LIMCH1: variants seen among roughly 807,000 people sequenced by gnomAD.
LIMCH1 encodes the protein LIM and calponin homology domains 1.
In LIMCH1, 113 loss-of-function variants were observed where a neutral mutation model predicts 176.5. That is an observed-to-expected ratio of 0.64 (90% CI 0.55 to 0.75). LIMCH1 has a LOEUF of 0.75. Among genes scored for constraint, LIMCH1 ranks in the 30% least tolerant of loss-of-function variants. The pLI is 0.00. For synonymous variants in LIMCH1, 619 were observed against 645.9 expected, an observed-to-expected ratio of 0.96 and a Z score of 0.63; for missense variants, 1,674 against 1,814.9, an observed-to-expected ratio of 0.92 and a Z score of 1.41.
At chr4:41,482,688 G>A (rs2068849178) in intron 1 of LIMCH1, among the ~76,000 whole-genome samples, 2 of 152,178 alleles carry the variant, frequency 1.3e-5, no homozygotes, top group South Asian at 4.1e-4. Flanking sequence ...CCAAGAATGA[G>A]ATCCATGGCA....
intron 1 of LIMCH1, among the ~76,000 whole-genome samples, chr4:41,362,699 A>G (rs984502357): frequency 6.6e-6 from 1 of 152,222 alleles, no homozygotes; most frequent in African/African-American, 2.4e-5. Flanking sequence ...GAATTTTGAC[A>G]TATGTATATT....
intron 12 of LIMCH1, 121 bp downstream of exon 12, chr4:41,633,206 TAA>T: frequency 1.1e-5 from 8 of 699,862 alleles, no homozygotes; most frequent in Admixed American, 5.3e-5. Flanking sequence ...GAGCGTGGAG[TAA>T]AGTCACTAAA....
intron 3 of LIMCH1, among the ~76,000 whole-genome samples, chr4:41,530,822 T>TAAAAAAAAAAA (rs1345989713): frequency 1.9e-4 from 14 of 73,726 alleles, no homozygotes; most frequent in Non-Finnish European, 2.5e-4. Flanking sequence ...AAAAAAAATT[T>TAAAAAAAAAAA]TTTTTTTTTT....
chr4:41,612,374 C>T, intron 4 of LIMCH1: 1 of 571,256 alleles, frequency 1.8e-6, no homozygotes, highest in Non-Finnish European at 3.1e-6. Context: ...GCAGAGGGGA[C>T]TTTCGCGAGC....
chr4:41,484,385 G>A (rs1226573192), intron 1 of LIMCH1, among the ~76,000 whole-genome samples: 1 of 152,152 alleles, frequency 6.6e-6, no homozygotes, highest in Non-Finnish European at 1.5e-5. Flanking sequence ...TCTAATTATG[G>A]CTTACATGAG....
rs117873062 is a variant in LIMCH1, at chr4:41,572,054, G to T, written c.-240-26866G>T. Among the ~76,000 whole-genome samples, 16 of 152,260 alleles carry T rather than the reference G, an allele frequency of 1.1e-4. No individual in the cohort carries two copies. The East Asian group carries it at 2.9e-3, about 28-fold the overall frequency. The stretch of plus-strand genomic sequence containing the variant: ...GGAGCAGTTCTAAGAAATAATTATT[G>T]GTTGGTTTGTTGATAGGGGTGGGAG... On this transcript the variant is annotated intron_variant, in intron 1 of 31. Transcript: ENST00000503057.
chr4:41,370,806 A>G (rs2053847747), intron 1 of LIMCH1, among the ~76,000 whole-genome samples: 1 of 152,186 alleles, frequency 6.6e-6, no homozygotes, highest in African/African-American at 2.4e-5. Flanking sequence ...TGCTTGCATG[A>G]GGTGGTATAT....
chr4:41,445,746 G>A (rs1319645259), intron 1 of LIMCH1, among the ~76,000 whole-genome samples: 2 of 152,176 alleles, frequency 1.3e-5, no homozygotes, highest in Non-Finnish European at 2.9e-5. Context: ...CCTGAGATTA[G>A]AGTTTCTTTG....
chr4:41,559,213 A>G (rs1169725729), intron 1 of LIMCH1, among the ~76,000 whole-genome samples: 10 of 152,290 alleles, frequency 6.6e-5, no homozygotes, highest in African/African-American at 2.4e-4. Flanking sequence ...AAAACATAAT[A>G]AAGATAAATC....
At chr4:41,549,376 C>A (rs2080061690) in intron 1 of LIMCH1, among the ~76,000 whole-genome samples, 1 of 152,148 alleles carries the variant, frequency 6.6e-6, no homozygotes, top group Non-Finnish European at 1.5e-5. Flanking sequence ...GACTGAGACA[C>A]AGGGATGTGA....
At chr4:41,448,679 A>T (rs1344640907) in intron 1 of LIMCH1, among the ~76,000 whole-genome samples, 1 of 152,102 alleles carries the variant, frequency 6.6e-6, no homozygotes, top group Non-Finnish European at 1.5e-5. Context: ...TCAATTTTGG[A>T]TTATTTTTAT....
chr4:41,470,714 A>G (rs1416799436), intron 1 of LIMCH1, among the ~76,000 whole-genome samples: 2 of 152,042 alleles, frequency 1.3e-5, no homozygotes, highest in Admixed American at 6.6e-5. Flanking sequence ...CTTCTCTTCA[A>G]ACATCTTTTC....
intron 1 of LIMCH1, among the ~76,000 whole-genome samples, chr4:41,419,633 T>A (rs1161047921): frequency 1.5e-5 from 1 of 66,900 alleles, no homozygotes; most frequent in Non-Finnish European, 2.5e-5. Flanking sequence ...CTTCCTTCCT[T>A]CCTCCTTCCT....
In LIMCH1 at chr4:41,555,789, A is replaced by C. The variant is rs529383549; in HGVS notation, c.-241+17439A>C. ...TTGAGACGGTCTCATTCTGTTGCCCAGGCTGCAGTGCAGCGGCGTGATCAC... is the reference window on the plus strand; with the variant it reads ...TTGAGACGGTCTCATTCTGTTGCCCCGGCTGCAGTGCAGCGGCGTGATCAC... On this transcript the variant is annotated intron_variant, in intron 1 of 31. Transcript: ENST00000503057. Among the ~76,000 whole-genome samples, 243 of 152,250 alleles carry C rather than the reference A, an allele frequency of 1.6e-3. 1 individual carries two copies. Among genetic ancestry groups the C allele is most frequent in the African/African-American group, 5.4e-3 (223 of 41,556 alleles).
chr4:41,642,569 A>G (rs2093870606), intron 14 of LIMCH1, among the ~76,000 whole-genome samples: 1 of 150,546 alleles, frequency 6.6e-6, no homozygotes, highest in African/African-American at 2.4e-5. Context: ...ATTTTATTTT[A>G]TTTTTTTGAG....
chr4:41,399,770 C>T (rs750053046), intron 1 of LIMCH1, among the ~76,000 whole-genome samples: 8 of 145,754 alleles, frequency 5.5e-5, no homozygotes, highest in Non-Finnish European at 8.9e-5. Flanking sequence ...CAACCTCTGC[C>T]TCCTGGGTTC....
intron 18 of LIMCH1, among the ~76,000 whole-genome samples, chr4:41,660,947 A>G (rs1231585145): frequency 6.6e-6 from 1 of 152,160 alleles, no homozygotes; most frequent in Non-Finnish European, 1.5e-5. Flanking sequence ...AGTAATAGAG[A>G]TTCACTGGGA....
intron 1 of LIMCH1, among the ~76,000 whole-genome samples, chr4:41,427,396 G>A (rs555240173): frequency 2.0e-5 from 3 of 151,948 alleles, no homozygotes; most frequent in Non-Finnish European, 4.4e-5. Context: ...GTTTTCCTTC[G>A]GCCTGAGGGT....
At chr4:41,477,540 G>A (rs1194687801) in intron 1 of LIMCH1, among the ~76,000 whole-genome samples, 3 of 152,312 alleles carry the variant, frequency 2.0e-5, no homozygotes, top group South Asian at 4.1e-4. Flanking sequence ...TGACAAGCTA[G>A]AGTAGAAGAG....
Sources: gnomAD v4.1 joint callset for allele counts (sites outside exome capture counted in the v4.1 genomes callset) on GRCh38, gnomAD v4.1.1 for gene constraint, MANE v1.5 for transcripts, NCBI Gene and HGNC (gene_info 2026-07-23, HGNC 2026-07-21) for gene names.